TRPC6: variants seen among roughly 807,000 people sequenced by gnomAD.
TRPC6 encodes the protein short transient receptor potential channel 6.
A neutral mutation model predicts 90.7 loss-of-function variants in TRPC6; 55 were observed. That is an observed-to-expected ratio of 0.61 (90% CI 0.49 to 0.76). The LOEUF is 0.76. Ranked by LOEUF, TRPC6 falls within the 30% of genes least tolerant of loss-of-function variation. The pLI, the probability that TRPC6 is intolerant of heterozygous loss-of-function variation, is 0.00. For missense variants in TRPC6, 989 were observed against 1,122.7 expected, an observed-to-expected ratio of 0.88 and a Z score of 1.70; for synonymous variants, 393 against 393.0, an observed-to-expected ratio of 1.00 and a Z score of 0.00.
intron 3 of TRPC6, 120 bp downstream of exon 3, chr11:101,491,433 CAAA>C (rs71056610): frequency 3.1e-4 from 344 of 1,117,574 alleles, no homozygotes; most frequent in Middle Eastern, 6.3e-4. Flanking sequence ...GACTCCATCT[CAAA>C]AAAAAAAAAA....
At chr11:101,496,788 T>TA (rs1302008464) in intron 2 of TRPC6, among the ~76,000 whole-genome samples, 2 of 152,200 alleles carry the variant, frequency 1.3e-5, no homozygotes, top group East Asian at 3.8e-4. Context: ...ACTCCCTCCC[T>TA]AACTGTTGAC....
intron 1 of TRPC6, among the ~76,000 whole-genome samples, chr11:101,554,374 G>C (rs1861516562): frequency 6.6e-6 from 1 of 151,204 alleles, no homozygotes; most frequent in African/African-American, 2.4e-5. Context: ...TATGTTAACT[G>C]GGCATCTAAG....
intron 1 of TRPC6, among the ~76,000 whole-genome samples, chr11:101,552,727 C>T (rs953023259): frequency 1.3e-5 from 2 of 152,034 alleles, no homozygotes; most frequent in Admixed American, 6.6e-5. Context: ...CTGCATAGTT[C>T]CTCTATAATT....
chr11:101,492,149 C>G (rs577972563), intron 2 of TRPC6, among the ~76,000 whole-genome samples: 24 of 151,858 alleles, frequency 1.6e-4, no homozygotes, highest in Admixed American at 3.3e-4. Flanking sequence ...GAGAAACATT[C>G]TATTTTTAGT....
At chr11:101,564,213 G>C (rs1287247500) in intron 1 of TRPC6, among the ~76,000 whole-genome samples, 2 of 151,874 alleles carry the variant, frequency 1.3e-5, no homozygotes, top group Non-Finnish European at 2.9e-5. Context: ...TTTTTTGCTA[G>C]GTTTATTCCT....
At chr11:101,482,799 T>C in intron 5 of TRPC6, 150 bp downstream of exon 5, 1 of 837,964 alleles carries the variant, frequency 1.2e-6, no homozygotes, top group Non-Finnish European at 1.9e-6. Context: ...CCAAGGCAAC[T>C]GTACTTTAGG....
At chr11:101,471,421 T>C in intron 8 of TRPC6, 35 bp from the exon 9 acceptor site, 1 of 1,606,364 alleles carries the variant, frequency 6.2e-7, no homozygotes, top group Non-Finnish European at 8.5e-7. Flanking sequence ...AGCAAGGAAA[T>C]GCATAAACAG....
rs1198791455 is a variant in TRPC6 at position 101,552,585 on chromosome 11, T to G, written c.170+30749A>C. On this transcript the variant is annotated intron_variant, in intron 1 of 12. Transcript: ENST00000344327. The stretch of plus-strand genomic sequence containing the variant: ...TTTCTTCTGTTTAGGTTTGTTTATT[T>G]GTTGCCCAAATCAAAAAGTGAACAC... Among the ~76,000 whole-genome samples, 4 of 152,124 alleles carry G rather than the reference T, an allele frequency of 2.6e-5. No individual in the cohort carries two copies. The East Asian group carries it at 7.7e-4, about 29-fold the overall frequency.
At chr11:101,466,944 C>G (rs1859161108) in intron 10 of TRPC6, among the ~76,000 whole-genome samples, 1 of 150,608 alleles carries the variant, frequency 6.6e-6, no homozygotes, top group Admixed American at 6.6e-5. Flanking sequence ...TCCTCAGGCT[C>G]AGTCCCTCAT....
rs1201821362 is a variant in TRPC6, at chr11:101,504,735, CCTT to C, written c.231_233del (p.Arg78del). 1.3e-6 allele frequency: 2 copies of C among 1,599,010 alleles called. No homozygotes were observed. The highest frequency in any genetic ancestry group is 1.1e-5 in the South Asian group (1 of 88,458). On this transcript the variant is annotated inframe_deletion, in exon 2 of 13. Coordinates refer to ENST00000344327, the MANE Select transcript of TRPC6 (RefSeq NM_004621.6). ...TGTATGCTGGTCCTCGATTAGCTAA[CCTT>C]CTCCCCTTCTCACGGAGAACTGTCT...
rs1859346947 is a variant in TRPC6 at position 101,473,677 on chromosome 11, A to T, written c.1841T>A (p.Leu614Ter). 1 of 1,613,676 alleles carries T rather than the reference A, an allele frequency of 6.2e-7. No homozygotes were observed. The highest frequency in any genetic ancestry group is 8.5e-7 in the Non-Finnish European group (1 of 1,179,802). The change falls in exon 7 of 13, where the codon TTA becomes TAA. Residue 614 changes from leucine to a stop codon, truncating the protein, a stop_gained. Coordinates refer to ENST00000344327, the MANE Select transcript of TRPC6 (RefSeq NM_004621.6). LOFTEE classifies it high-confidence loss of function. ...AGGTCCAAAGCTTTCATTTGCTGGT[A>T]AAATATAAGCTATCCTAGAGAAACT... ...VLSFSRIAYI[L>*]PANESFGPLQ...
intron 1 of TRPC6, among the ~76,000 whole-genome samples, chr11:101,533,536 C>G (rs977541840): frequency 6.6e-6 from 1 of 152,098 alleles, no homozygotes; most frequent in African/African-American, 2.4e-5. Context: ...CAATTCAACA[C>G]GAGCTTTGGG....
At chr11:101,481,411 C>T (rs1859547482) in intron 5 of TRPC6, among the ~76,000 whole-genome samples, 1 of 152,134 alleles carries the variant, frequency 6.6e-6, no homozygotes, top group African/African-American at 2.4e-5. Flanking sequence ...TATTCAAAAC[C>T]CAAATACTCC....
chr11:101,483,183 A>C lies in TRPC6; in HGVS notation c.1294-18T>G, dbSNP rs1229004135. 1 of 1,613,634 alleles carries C rather than the reference A, an allele frequency of 6.2e-7. No individual in the cohort carries two copies. The highest frequency in any genetic ancestry group is 8.5e-7 in the Non-Finnish European group (1 of 1,179,654). On this transcript the variant is annotated intron_variant, in intron 4 of 12. Coordinates refer to ENST00000344327, the MANE Select transcript of TRPC6 (RefSeq NM_004621.6). ...TTCCCCATCTGCCACAACACACACC[A>C]AAATAAAATCTTAACTTTGTTTTGT... is the stretch of plus-strand genomic sequence containing the variant.
intron 1 of TRPC6, among the ~76,000 whole-genome samples, chr11:101,545,407 G>A (rs1200466451): frequency 6.6e-6 from 1 of 152,070 alleles, no homozygotes; most frequent in Non-Finnish European, 1.5e-5. Flanking sequence ...TTTGCTATCT[G>A]CGTGGGGAGT....
intron 1 of TRPC6, among the ~76,000 whole-genome samples, chr11:101,576,277 T>C (rs1399439829): frequency 1.3e-5 from 2 of 152,212 alleles, no homozygotes; most frequent in Non-Finnish European, 2.9e-5. Context: ...CCCAAATATA[T>C]ATAAATATTT....
chr11:101,542,690 GAATA>G (rs1861203438), intron 1 of TRPC6, among the ~76,000 whole-genome samples: 1 of 151,078 alleles, frequency 6.6e-6, no homozygotes, highest in Non-Finnish European at 1.5e-5. Flanking sequence ...GAAAGCCAGT[GAATA>G]AAACAAATTC....
intron 1 of TRPC6, among the ~76,000 whole-genome samples, chr11:101,529,288 G>A (rs184206959): frequency 2.0e-5 from 3 of 152,326 alleles, no homozygotes; most frequent in African/African-American, 7.2e-5. Flanking sequence ...GAGGGATGGT[G>A]AGACATAGAA....
intron 1 of TRPC6, among the ~76,000 whole-genome samples, chr11:101,531,401 G>A (rs1860909690): frequency 6.6e-6 from 1 of 152,192 alleles, no homozygotes; most frequent in Admixed American, 6.5e-5. Context: ...AGGAAGTCTG[G>A]ACCCAAAGTC....
Sources: allele counts gnomAD v4.1 joint callset (sites outside exome capture counted in the v4.1 genomes callset), GRCh38; gene constraint gnomAD v4.1.1; transcripts MANE v1.5; gene names NCBI Gene and HGNC (gene_info 2026-07-23, HGNC 2026-07-21).